Variants in DNAH11 observed in about 807,000 individuals in gnomAD.
The protein encoded by DNAH11 is axonemal beta dynein heavy chain 11.
In DNAH11, 442 loss-of-function variants were observed where a neutral mutation model predicts 526.0. The ratio of observed to expected loss-of-function variants is 0.84; its 90% CI spans 0.78 to 0.91. The LOEUF (loss-of-function observed/expected upper bound fraction) is 0.91. Ranked by LOEUF, DNAH11 falls within the 40% of genes least tolerant of loss-of-function variation. DNAH11 has a pLI of 0.00. For missense variants in DNAH11, 6,989 were observed against 5,448.7 expected, an observed-to-expected ratio of 1.28 and a Z score of -8.90; for synonymous variants, 2,461 against 1,935.9, an observed-to-expected ratio of 1.27 and a Z score of -7.12.
At chr7:21,776,295 C>T (rs190739250) in intron 56 of DNAH11, among the ~76,000 whole-genome samples, 14 of 152,260 alleles carry the variant, frequency 9.2e-5, no homozygotes, top group Admixed American at 7.8e-4. Context: ...GGTATTTGTG[C>T]ATGGAATGCT....
chr7:21,635,140 C>A (rs1020128832), intron 25 of DNAH11, among the ~76,000 whole-genome samples: 21 of 144,044 alleles, frequency 1.5e-4, no homozygotes, highest in African/African-American at 5.3e-4. Context: ...TGGTGGGGGG[C>A]AGTTTGTTTG....
chr7:21,667,318 T>G (rs751468113), intron 30 of DNAH11, among the ~76,000 whole-genome samples: 20 of 152,140 alleles, frequency 1.3e-4, no homozygotes, highest in Admixed American at 2.0e-4. Context: ...GTTGGCCTAC[T>G]TTTTCTGGGA....
At chr7:21,876,736 A>G (rs1783728073) in intron 74 of DNAH11, among the ~76,000 whole-genome samples, 2 of 152,186 alleles carry the variant, frequency 1.3e-5, no homozygotes, top group African/African-American at 4.8e-5. Flanking sequence ...TGACAGGAGG[A>G]TGGAAGAAGA....
At chr7:21,750,971 G>A (rs1786387752) in intron 54 of DNAH11, among the ~76,000 whole-genome samples, 1 of 152,150 alleles carries the variant, frequency 6.6e-6, no homozygotes, top group African/African-American at 2.4e-5. Context: ...AGTGAGGAGA[G>A]TTTTGAATTA....
chr7:21,843,637 C>G (rs183778488), intron 66 of DNAH11, among the ~76,000 whole-genome samples: 1 of 151,960 alleles, frequency 6.6e-6, no homozygotes, highest in Admixed American at 6.6e-5. Context: ...TGCACCACCA[C>G]GCCCAGCTAA....
intron 2 of DNAH11, among the ~76,000 whole-genome samples, chr7:21,556,138 G>T (rs1414389911): frequency 6.6e-6 from 1 of 152,028 alleles, no homozygotes; most frequent in East Asian, 1.9e-4. Context: ...CCCTTATAAG[G>T]TTATACCCTG....
chr7:21,662,505 A>T (rs1188140385), intron 30 of DNAH11, among the ~76,000 whole-genome samples: 1 of 152,180 alleles, frequency 6.6e-6, no homozygotes, highest in East Asian at 1.9e-4. Context: ...AAAGGTAAAT[A>T]CTGTGTATAT....
rs5882826 is a variant in DNAH11, at chr7:21,803,600, CAA to C, written c.10165+2338_10165+2339del. Among the ~76,000 whole-genome samples, 32 of 137,614 alleles carry C rather than the reference CAA, an allele frequency of 2.3e-4. 1 individual carries two copies. The highest frequency in any genetic ancestry group is 3.6e-4 in the Admixed American group (5 of 14,010). The allele number at this position is 137,614 out of a possible 152,430, so 90.3% of individuals were successfully genotyped here. A position where few individuals can be genotyped will look rare whatever the true frequency, so the allele number is the denominator to read the frequency against. Reference sequence around the variant, plus strand: ...CTAACTCCACCCCACACCTCCTGCCCAAAAAAAAAAAAAAGTCTGGAAAAGTG... The same window carrying C: ...CTAACTCCACCCCACACCTCCTGCCCAAAAAAAAAAAAGTCTGGAAAAGTG... On this transcript the variant is annotated intron_variant, in intron 62 of 81. Transcript: ENST00000409508.
intron 39 of DNAH11, among the ~76,000 whole-genome samples, chr7:21,707,018 G>A (rs2128479989): frequency 6.6e-6 from 1 of 152,314 alleles, no homozygotes; most frequent in African/African-American, 2.4e-5. Context: ...ATTCTGGACT[G>A]GATAACTCTG....
At chr7:21,616,028 G>T (rs553253246) in intron 21 of DNAH11, among the ~76,000 whole-genome samples, 181 bp from the exon 22 acceptor site, 4 of 152,150 alleles carry the variant, frequency 2.6e-5, no homozygotes, top group Non-Finnish European at 4.4e-5. Context: ...TTAGCTTGAC[G>T]TGTTCTGACA....
chr7:21,569,694 G>T (rs375891794), intron 6 of DNAH11, among the ~76,000 whole-genome samples: 9 of 152,264 alleles, frequency 5.9e-5, no homozygotes, highest in African/African-American at 2.2e-4. Context: ...AAAAATTCAT[G>T]TTCTGATAGA....
At chr7:21,592,956 A>G (rs1431765147) in intron 14 of DNAH11, among the ~76,000 whole-genome samples, 1 of 152,226 alleles carries the variant, frequency 6.6e-6, no homozygotes, top group African/African-American at 2.4e-5. Context: ...TGAGTAGACT[A>G]GAATTGCAAA....
chr7:21,670,266 T>C (rs1025835881), intron 30 of DNAH11, among the ~76,000 whole-genome samples: 2 of 152,026 alleles, frequency 1.3e-5, no homozygotes, highest in Non-Finnish European at 2.9e-5. Context: ...TTAGATTTAT[T>C]TTTAGATGGT....
chr7:21,672,256 C>G (rs1347037379), intron 30 of DNAH11, among the ~76,000 whole-genome samples: 1 of 152,274 alleles, frequency 6.6e-6, no homozygotes, highest in African/African-American at 2.4e-5. Context: ...GTAATGTTCA[C>G]TTTGATCTGC....
rs1583831193 is a variant in DNAH11 at position 21,901,317 on chromosome 7, G to A, written c.*63G>A. 6.6e-7 allele frequency: 1 copy of A among 1,514,108 alleles called. No homozygotes were observed. The highest frequency in any genetic ancestry group is 8.8e-7 in the Non-Finnish European group (1 of 1,131,344). 93.8% of individuals were successfully genotyped at this position (1,514,108 alleles called of 1,614,324 possible). ...AGTGAGGATTTTCTAGCATGTTGCTGCACTGTTCCCATGCACATTATTCTA... is the reference window on the plus strand; with the variant it reads ...AGTGAGGATTTTCTAGCATGTTGCTACACTGTTCCCATGCACATTATTCTA... On this transcript the variant is annotated 3_prime_UTR_variant, in exon 82 of 82. Transcript: ENST00000409508.
chr7:21,584,025 C>A (rs1784401805), intron 9 of DNAH11, among the ~76,000 whole-genome samples: 1 of 152,124 alleles, frequency 6.6e-6, no homozygotes, highest in Non-Finnish European at 1.5e-5. Flanking sequence ...TGCGGCGATT[C>A]CTCAAGGATC....
chr7:21,698,026 C>G, intron 35 of DNAH11, 49 bp from the exon 36 acceptor site: 4 of 1,559,688 alleles, frequency 2.6e-6, no homozygotes, highest in East Asian at 2.3e-5. Context: ...GCAATTTGTA[C>G]TTATCACCTT....
In DNAH11 at chr7:21,563,234, G is replaced by A. The variant is rs184248772; in HGVS notation, c.983-952G>A. On this transcript the variant is annotated intron_variant, in intron 5 of 81. Coordinates refer to ENST00000409508, the MANE Select transcript of DNAH11 (RefSeq NM_001277115.2). ...CTTCCTTTTTCTTTTTTGGAGACAG[G>A]GTCTTGCTCTGTTGCCCAGGCTGGA... 4.5e-3 allele frequency among the ~76,000 whole-genome samples: 684 copies of A among 151,650 alleles called. 3 individuals carry two copies. The highest frequency in any genetic ancestry group is 6.4e-3 in the Non-Finnish European group (436 of 67,884).
chr7:21,672,824 A>G (rs2128469761), intron 30 of DNAH11, among the ~76,000 whole-genome samples: 2 of 152,326 alleles, frequency 1.3e-5, no homozygotes, highest in Non-Finnish European at 2.9e-5. Flanking sequence ...CAGGACAGGA[A>G]AAAATGGGGG....
Sources: gnomAD v4.1 joint callset for allele counts (sites outside exome capture counted in the v4.1 genomes callset) on GRCh38, gnomAD v4.1.1 for gene constraint, MANE v1.5 for transcripts, NCBI Gene and HGNC (gene_info 2026-07-23, HGNC 2026-07-21) for gene names.